Variants in G2E3 observed in about 807,000 individuals in gnomAD.
G2E3 encodes G2/M phase-specific E3 ubiquitin-protein ligase.
Under a neutral mutation model 92.8 loss-of-function variants are expected in G2E3, and 35 were observed. The ratio of observed to expected loss-of-function variants is 0.38; its 90% CI spans 0.29 to 0.50. G2E3 has a LOEUF of 0.50. G2E3 is among the 20% of genes least tolerant of loss of function. The probability of loss-of-function intolerance (pLI) is 0.94; values close to 1 mark genes in which losing one functional copy is unlikely to be tolerated. For missense variants in G2E3, 554 were observed against 823.8 expected (o/e 0.67, Z 4.01); for synonymous variants, 242 against 272.4 (o/e 0.89, Z 1.10).
At chr14:30,569,431 T>C (rs1037924763) in intron 1 of G2E3, among the ~76,000 whole-genome samples, 40 of 152,344 alleles carry the variant, frequency 2.6e-4, no homozygotes, top group South Asian at 1.2e-3. Flanking sequence ...ATGTTCTTTC[T>C]GCCATGTTCC....
chr14:30,576,691 T>C (rs1880114046), intron 1 of G2E3, among the ~76,000 whole-genome samples: 1 of 152,180 alleles, frequency 6.6e-6, no homozygotes, highest in Non-Finnish European at 1.5e-5. Context: ...GTATGGGACA[T>C]CCATAGACAA....
intron 1 of G2E3, among the ~76,000 whole-genome samples, chr14:30,563,159 G>GT (rs777808352): frequency 0.084 from 11,953 of 142,380 alleles, 1,465 homozygotes; most frequent in African/African-American, 0.27. Context: ...TCTTGGTACA[G>GT]TTTTTTTTTT....
intron 6 of G2E3, among the ~76,000 whole-genome samples, chr14:30,596,135 C>CGTGTGTGTGTGTGTGT (rs59672554): frequency 7.9e-5 from 10 of 127,188 alleles, no homozygotes; most frequent in African/African-American, 3.0e-4. Context: ...GGTGGGTGTG[C>CGTGTGTGTGTGTGTGT]GTGTGTGTGT....
intron 6 of G2E3, among the ~76,000 whole-genome samples, chr14:30,595,745 T>C (rs186129378): frequency 5.7e-4 from 87 of 152,298 alleles, no homozygotes; most frequent in Admixed American, 1.0e-3. Context: ...AAATAACATA[T>C]GGAGTCTTAT....
intron 4 of G2E3, among the ~76,000 whole-genome samples, chr14:30,591,767 G>T (rs191289544): frequency 5.3e-5 from 8 of 152,270 alleles, no homozygotes; most frequent in African/African-American, 1.9e-4. Flanking sequence ...AATTACATCT[G>T]CAAAGACCGT....
intron 7 of G2E3, 131 bp from the exon 8 acceptor site, chr14:30,598,352 A>G (rs1656216394): frequency 4.9e-6 from 3 of 609,564 alleles, no homozygotes; most frequent in African/African-American, 1.8e-5. Context: ...GCACCACTGT[A>G]CTCCAGCCTG....
chr14:30,600,932 CAGAG>C (rs1445601188), intron 8 of G2E3, among the ~76,000 whole-genome samples: 2 of 152,214 alleles, frequency 1.3e-5, no homozygotes, highest in Admixed American at 6.5e-5. Context: ...CATATGAACA[CAGAG>C]AGAACTGGAC....
In G2E3 at chr14:30,612,371, C is replaced by T. The variant is rs146697386; in HGVS notation, c.1665C>T (p.Pro555=). 809 of 1,564,006 alleles carry T rather than the reference C, an allele frequency of 5.2e-4. No individual in the cohort carries two copies. Among genetic ancestry groups the T allele is most frequent in the Non-Finnish European group, 6.6e-4 (757 of 1,153,456 alleles). The change falls in exon 13 of 15, where the codon CCC becomes CCT. Residue 555 remains proline, a synonymous_variant. Coordinates refer to ENST00000206595, the MANE Select transcript of G2E3 (RefSeq NM_017769.5). ...GYHVIQRVHT[P]FESFKQGLKT... is the part of the protein sequence containing the mutation. ...ATGTAATTCAGAGAGTCCACACACC[C>T]TTTGAAAGGTAAGTTGTTTCTATTA... is the stretch of plus-strand genomic sequence containing the variant.
At chr14:30,593,427 T>G in intron 5 of G2E3, 47 bp from the exon 6 acceptor site, 1 of 895,758 alleles carries the variant, frequency 1.1e-6, no homozygotes, top group East Asian at 2.5e-5. Context: ...TTTCCAAGTT[T>G]TGCTTTGCAG....
At chr14:30,606,162 G>A (rs1356564963) in intron 11 of G2E3, among the ~76,000 whole-genome samples, 2 of 151,880 alleles carry the variant, frequency 1.3e-5, no homozygotes, top group African/African-American at 4.8e-5. Context: ...TGGAATTTGC[G>A]GTTAACATAG....
At chr14:30,580,005 G>A (rs1258322433) in intron 1 of G2E3, among the ~76,000 whole-genome samples, 1 of 152,102 alleles carries the variant, frequency 6.6e-6, no homozygotes, top group African/African-American at 2.4e-5. Flanking sequence ...TTTCAGTAAT[G>A]ATTATAAGTA....
chr14:30,591,331 T>C (rs981655949), intron 4 of G2E3, among the ~76,000 whole-genome samples: 3 of 152,188 alleles, frequency 2.0e-5, no homozygotes, highest in African/African-American at 7.2e-5. Context: ...GGTACTGTTC[T>C]GTATTTTGCT....
chr14:30,565,650 C>CTTTTTTT (rs537643569), intron 1 of G2E3, among the ~76,000 whole-genome samples: 4 of 62,254 alleles, frequency 6.4e-5, no homozygotes, highest in Non-Finnish European at 8.4e-5. Flanking sequence ...AACTTCATTC[C>CTTTTTTT]TTTTTTTTTT....
chr14:30,559,516 C>G (rs1263021494), intron 1 of G2E3: 1 of 152,176 alleles, frequency 6.6e-6, no homozygotes, highest in Non-Finnish European at 1.5e-5. Context: ...TTCGGAGGCC[C>G]TGCCGGTCCC....
chr14:30,591,682 T>C (rs547953005), intron 4 of G2E3, among the ~76,000 whole-genome samples: 1 of 152,258 alleles, frequency 6.6e-6, no homozygotes, highest in South Asian at 2.1e-4. Flanking sequence ...CTCCCTCTCC[T>C]TTCTCTTGTA....
chr14:30,580,929 G>C, intron 1 of G2E3, 147 bp from the exon 2 acceptor site: 1 of 600,534 alleles, frequency 1.7e-6, no homozygotes. Context: ...GAGAACTACT[G>C]ATCTTAGATG....
intron 13 of G2E3, among the ~76,000 whole-genome samples, chr14:30,615,001 T>A (rs1882248502): frequency 6.6e-6 from 1 of 152,186 alleles, no homozygotes; most frequent in Admixed American, 6.5e-5. Context: ...ATTTTTATAA[T>A]AATTAGCTTT....
rs909049200 is a variant in G2E3, at chr14:30,619,074, A to G, written c.*2540A>G. The G allele has an allele frequency of 1.4e-4, 22 of 152,114 alleles. No homozygotes were observed. The highest frequency in any genetic ancestry group is 4.6e-4 in the African/African-American group (19 of 41,442). The allele number at this position is 152,114 out of a possible 1,614,324, so 9.4% of individuals were successfully genotyped here. The stretch of plus-strand genomic sequence containing the variant: ...TTTTTAAACACTTTCCAATATGGAA[A>G]CTTTAACACCTTTTATACAATTCTC... On this transcript the variant is annotated 3_prime_UTR_variant, in exon 15 of 15. Transcript: ENST00000206595.
chr14:30,598,353 C>CT, intron 7 of G2E3, 130 bp from the exon 8 acceptor site: 1 of 618,448 alleles, frequency 1.6e-6, no homozygotes, highest in Non-Finnish European at 2.9e-6. Flanking sequence ...CACCACTGTA[C>CT]TCCAGCCTGG....
Sources: gnomAD v4.1 joint callset for allele counts (sites outside exome capture counted in the v4.1 genomes callset) on GRCh38, gnomAD v4.1.1 for gene constraint, MANE v1.5 for transcripts, NCBI Gene and HGNC (gene_info 2026-07-23, HGNC 2026-07-21) for gene names.